Variants in TENM1 observed in about 807,000 individuals in gnomAD.
TENM1 encodes the protein teneurin transmembrane protein 1.
TENM1 carries 35 observed loss-of-function variants against 174.8 expected under a neutral mutation model. The observed-to-expected ratio is 0.20, with a 90% CI of 0.15 to 0.27. The LOEUF (loss-of-function observed/expected upper bound fraction) is 0.27. TENM1 is among the 10% of genes least tolerant of loss of function. TENM1 has a pLI of 1.00. For synonymous variants in TENM1, 781 were observed against 798.7 expected, an observed-to-expected ratio of 0.98 and a Z score of 0.37; for missense variants, 1,633 against 2,130.1, an observed-to-expected ratio of 0.77 and a Z score of 4.59.
At chrX:124,473,011 C>A (rs961984575) in intron 22 of TENM1, among the ~76,000 whole-genome samples, 6 of 111,764 alleles carry the variant, frequency 5.4e-5, no homozygotes, top group Admixed American at 9.5e-5. Context: ...TAATTAACTT[C>A]TGAAGAATCT....
At chrX:124,752,987 G>A (rs2054121138) in intron 3 of TENM1, among the ~76,000 whole-genome samples, 1 of 110,884 alleles carries the variant, frequency 9.0e-6, no homozygotes, top group Non-Finnish European at 1.9e-5. Flanking sequence ...CTCTTTTTTG[G>A]TTCCATATGA....
At chrX:124,380,942 G>A (rs1367136082) in exon 32 of TENM1, 1 of 1,209,719 alleles carries the variant, frequency 8.3e-7, no homozygotes, top group African/African-American at 1.8e-5. Flanking sequence ...CCTCCCCCCA[G>A]TGTTACCGAT....
chrX:124,633,747 A>G (rs942570827), intron 11 of TENM1, among the ~76,000 whole-genome samples: 6 of 110,959 alleles, frequency 5.4e-5, no homozygotes, highest in African/African-American at 2.0e-4. Flanking sequence ...ATCATCTCTG[A>G]GTCGGATGTA....
chrX:125,066,869 G>A, the TENM1 span, among the ~76,000 whole-genome samples: 1 of 111,150 alleles, frequency 9.0e-6, no homozygotes, highest in Non-Finnish European at 1.9e-5. Flanking sequence ...TTGTTGTTTG[G>A]TTGGTTTATT....
At chrX:124,633,297 C>T (rs1045867940) in intron 11 of TENM1, among the ~76,000 whole-genome samples, 1 of 111,951 alleles carries the variant, frequency 8.9e-6, no homozygotes, top group Admixed American at 9.5e-5. Flanking sequence ...GGTTTACTTA[C>T]ATTTTCTTGC....
chrX:124,695,025 G>A (rs552458043), intron 5 of TENM1, among the ~76,000 whole-genome samples: 2 of 111,800 alleles, frequency 1.8e-5, no homozygotes, highest in South Asian at 3.7e-4. Flanking sequence ...TGCAAATTAC[G>A]TAACGGAGAT....
chrX:124,982,270 G>GAAAAA, the TENM1 span, among the ~76,000 whole-genome samples: 1 of 10,555 alleles, frequency 9.5e-5, no homozygotes, highest in Non-Finnish European at 1.5e-4. Context: ...AAGAAAATGT[G>GAAAAA]AAAAAAAAAA....
At chrX:124,400,158 T>C (rs2060383499) in intron 27 of TENM1, among the ~76,000 whole-genome samples, 2 of 111,867 alleles carry the variant, frequency 1.8e-5, no homozygotes, top group East Asian at 5.6e-4. Context: ...ATCTGATTAA[T>C]ATATCTCCAG....
At chrX:125,115,963 C>G in the TENM1 span, among the ~76,000 whole-genome samples, 1 of 111,037 alleles carries the variant, frequency 9.0e-6, no homozygotes, top group African/African-American at 3.3e-5. Flanking sequence ...AAGAACAAAG[C>G]TGGAGGCATC....
At chrX:125,177,627 T>A in the TENM1 span, among the ~76,000 whole-genome samples, 14 of 111,854 alleles carry the variant, frequency 1.3e-4, no homozygotes, top group East Asian at 8.4e-4. Flanking sequence ...GAAATGGAGG[T>A]CTGTGAAAAA....
the TENM1 span, among the ~76,000 whole-genome samples, chrX:125,060,723 C>T: frequency 5.5e-5 from 6 of 110,051 alleles, no homozygotes; most frequent in Non-Finnish European, 3.8e-5. Context: ...AGAATACTCA[C>T]GAGGCAGCTT....
the TENM1 span, among the ~76,000 whole-genome samples, chrX:125,115,627 T>C: frequency 1.8e-5 from 2 of 110,929 alleles, no homozygotes; most frequent in Non-Finnish European, 3.8e-5. Context: ...TTGAGTGAAC[T>C]CCCATTCACA....
rs1037999586 is a variant in TENM1, at chrX:124,921,995, G to T, written c.218-25754C>A. On this transcript the variant is annotated intron_variant, in intron 1 of 31. Coordinates refer to ENST00000422452, the Ensembl canonical transcript of TENM1. ...ATTTAATTACTTTTCCAGAGAGCCAGGTTCATTGCCCATCATTGTTTCTTC... is the reference window on the plus strand; with the variant it reads ...ATTTAATTACTTTTCCAGAGAGCCATGTTCATTGCCCATCATTGTTTCTTC... Among the ~76,000 whole-genome samples, 3 of 111,733 alleles carry T rather than the reference G, an allele frequency of 2.7e-5. No individual in the cohort carries two copies. In the Admixed American group the frequency reaches 2.8e-4, roughly 11 times the overall value.
At chrX:124,937,799 C>T (rs1198235069) in intron 1 of TENM1, among the ~76,000 whole-genome samples, 1 of 111,812 alleles carries the variant, frequency 8.9e-6, no homozygotes, top group East Asian at 2.8e-4. Flanking sequence ...CATCCTGCCT[C>T]ATATAGCAAC....
Position 124,504,985 on chromosome X carries a change from A to G in TENM1, c.3302-1282T>C, listed in dbSNP as rs746513701. Among the ~76,000 whole-genome samples the G allele has an allele frequency of 7.2e-5, 8 of 111,842 alleles. No individual in the cohort carries two copies. In the South Asian group the frequency reaches 3.0e-3, roughly 42 times the overall value. On this transcript the variant is annotated intron_variant, in intron 18 of 31. Coordinates refer to ENST00000422452, the Ensembl canonical transcript of TENM1. ...AATATCCAACTCTCTGACTTTGTGG[A>G]TCATTTGTGGCCAATTTTAAATTGC...
rs191415362 is a variant in TENM1, at chrX:124,947,615, G to A, written c.217+15922C>T. 9.8e-5 allele frequency among the ~76,000 whole-genome samples: 11 copies of A among 112,129 alleles called. No individual in the cohort carries two copies. In the East Asian group the frequency reaches 1.7e-3, roughly 17 times the overall value. On this transcript the variant is annotated intron_variant, in intron 1 of 31. Coordinates refer to ENST00000422452, the Ensembl canonical transcript of TENM1. ...ATTGTTCTTTAAAATGGGTAAGCACGAGGATTTACTTGCTGAAGTATAATG... is the reference window on the plus strand; with the variant it reads ...ATTGTTCTTTAAAATGGGTAAGCACAAGGATTTACTTGCTGAAGTATAATG...
intron 3 of TENM1, among the ~76,000 whole-genome samples, chrX:124,881,908 T>C (rs968622701): frequency 1.8e-5 from 2 of 111,490 alleles, no homozygotes; most frequent in East Asian, 5.7e-4. Context: ...TTTGTATTTT[T>C]AGCAGAGACA....
intron 11 of TENM1, among the ~76,000 whole-genome samples, chrX:124,606,442 C>A (rs1412957806): frequency 9.0e-6 from 1 of 111,400 alleles, no homozygotes; most frequent in South Asian, 3.7e-4. Context: ...GATTCTAGTC[C>A]TCATTTTGCC....
At chrX:125,143,973 T>C in the TENM1 span, among the ~76,000 whole-genome samples, 2 of 112,035 alleles carry the variant, frequency 1.8e-5, no homozygotes, top group Non-Finnish European at 3.8e-5. Context: ...GTAACTAAAT[T>C]ATTCAAAATA....
Sources: allele counts gnomAD v4.1 joint callset (sites outside exome capture counted in the v4.1 genomes callset), GRCh38; gene constraint gnomAD v4.1.1; transcripts MANE v1.5; gene names NCBI Gene and HGNC (gene_info 2026-07-23, HGNC 2026-07-21).